The following FSIP2 variants were observed in gnomAD, a reference collection of about 807,000 sequenced individuals.
FSIP2 encodes fibrous sheath interacting protein 2.
In FSIP2, 367 loss-of-function variants were observed where a neutral mutation model predicts 510.5. That is an observed-to-expected ratio of 0.72 (90% CI 0.66 to 0.78). FSIP2 has a LOEUF of 0.78. Ranked by LOEUF, FSIP2 falls within the 30% of genes least tolerant of loss-of-function variation. The pLI is 0.00. For missense variants in FSIP2, 7,594 were observed against 7,901.7 expected, an observed-to-expected ratio of 0.96 and a Z score of 1.48; for synonymous variants, 2,601 against 2,732.2, an observed-to-expected ratio of 0.95 and a Z score of 1.50.
In FSIP2 at chr2:185,804,190, T is replaced by C. The variant is rs988473030; in HGVS notation, c.14884T>C (p.Tyr4962His). The change falls in exon 17 of 23, where the codon TAT (tyrosine) becomes CAT (histidine). Residue 4962 changes from tyrosine (Y) to histidine (H), a missense_variant. Coordinates refer to ENST00000424728, the MANE Select transcript of FSIP2 (RefSeq NM_173651.4). ...TTCTGAGCTCTTATGCAAAATTCTT[T>C]ATGCATTTTCACATAACATGTTGGT... ...VISELLCKIL[Y>H]AFSHNMLVTE... 41 of 1,513,002 alleles carry C rather than the reference T, an allele frequency of 2.7e-5. No individual in the cohort carries two copies. Among genetic ancestry groups the C allele is most frequent in the Non-Finnish European group, 3.3e-5 (38 of 1,137,000 alleles). 93.7% of individuals were successfully genotyped at this position (1,513,002 alleles called of 1,614,324 possible).
At chr2:185,747,914 A>AT (rs995819277) in intron 7 of FSIP2, among the ~76,000 whole-genome samples, 3 of 151,966 alleles carry the variant, frequency 2.0e-5, no homozygotes, top group South Asian at 2.1e-4. Context: ...AATAATATTT[A>AT]TTTTTTCCAA....
intron 8 of FSIP2, among the ~76,000 whole-genome samples, chr2:185,754,225 GAAGAAATAAATGAAGA>G (rs1362741635): frequency 1.3e-5 from 2 of 151,286 alleles, no homozygotes; most frequent in Non-Finnish European, 3.0e-5. Flanking sequence ...AAAAAAGAAG[GAAGAAATAAATGAAGA>G]AAGAAAAAAT....
At chr2:185,764,604 C>G (rs150924698) in intron 13 of FSIP2, 39 bp downstream of exon 13, 2 of 1,302,280 alleles carry the variant, frequency 1.5e-6, no homozygotes, top group Non-Finnish European at 2.1e-6. Flanking sequence ...ATCTTGCATT[C>G]TATTTATTCT....
Position 185,764,486 on chromosome 2 carries a change from G to C in FSIP2, c.1348-16G>C, listed in dbSNP as rs1363722465. On this transcript the variant is annotated splice_polypyrimidine_tract_variant and intron_variant, in intron 12 of 22. Coordinates refer to ENST00000424728, the MANE Select transcript of FSIP2 (RefSeq NM_173651.4). ...TTTTTGTGGATCTATTTGTTTTGCT[G>C]TTGTGAATTATGTAGAAGGAGACAA... The C allele has an allele frequency of 2.6e-6, 4 of 1,512,288 alleles. No homozygotes were observed. Among genetic ancestry groups the C allele is most frequent in the Non-Finnish European group, 3.5e-6 (4 of 1,129,772 alleles). 93.7% of individuals were successfully genotyped at this position (1,512,288 alleles called of 1,614,324 possible). A position where few individuals can be genotyped will look rare whatever the true frequency, so the allele number is the denominator to read the frequency against.
At position 185,791,986 on chromosome 2, in the gene FSIP2, T is replaced by C. The variant is rs1236220453; in HGVS notation, c.4850T>C (p.Ile1617Thr). Residue 1617 changes from isoleucine (I) to threonine (T), a missense_variant, in exon 16 of 23, where the codon ATA (isoleucine) becomes ACA (threonine). Physicochemically the swap from Ile to Thr is moderately conservative, Grantham distance 89. Coordinates refer to ENST00000424728, the MANE Select transcript of FSIP2 (RefSeq NM_173651.4). The part of the protein sequence containing the change: ...INDGNKKSNK[I>T]GWEYESTNIS... ...GATGGAAATAAGAAAAGCAATAAGA[T>C]AGGCTGGGAATATGAAAGCACCAAT... The C allele has an allele frequency of 2.6e-6, 4 of 1,533,904 alleles. No individual in the cohort carries two copies. Among genetic ancestry groups the C allele is most frequent in the Non-Finnish European group, 3.5e-6 (4 of 1,145,364 alleles).
At chr2:185,744,069 A>G (rs1691978309) in intron 3 of FSIP2, among the ~76,000 whole-genome samples, 1 of 151,750 alleles carries the variant, frequency 6.6e-6, no homozygotes, top group African/African-American at 2.4e-5. Context: ...GCCTCAAGAG[A>G]TCCTCCTGCC....
Position 185,806,438 on chromosome 2 carries a change from G to A in FSIP2, c.17132G>A (p.Gly5711Asp), listed in dbSNP as rs769866617. The change falls in exon 17 of 23, where the codon GGT becomes GAT. Residue 5711 changes from glycine to aspartate, a missense_variant. Transcript: ENST00000424728. ...CTCAGTTATGACCAAAGCCCCCCAG[G>A]TGATAATGTATTAAATGTAATTCAA... is the stretch of plus-strand genomic sequence containing the variant. ...SKLSYDQSPP[G>D]DNVLNVIQEI... 3 of 1,611,894 alleles carry A rather than the reference G, an allele frequency of 1.9e-6. No individual in the cohort carries two copies. In the East Asian group the frequency reaches 6.7e-5, roughly 36 times the overall value.
chr2:185,813,370 TTTG>T (rs1296361421), intron 17 of FSIP2, among the ~76,000 whole-genome samples, 172 bp from the exon 18 acceptor site: 2 of 152,000 alleles, frequency 1.3e-5, no homozygotes, highest in African/African-American at 4.8e-5. Flanking sequence ...ACAAATTTTT[TTTG>T]TTATTTGTCT....
At chr2:185,811,162 A>G (rs2105662244) in intron 17 of FSIP2, among the ~76,000 whole-genome samples, 1 of 152,202 alleles carries the variant, frequency 6.6e-6, no homozygotes, top group East Asian at 1.9e-4. Context: ...AAAGAGAAGC[A>G]GAGCATAAAA....
rs1490351615 is a variant in FSIP2 at position 185,794,553 on chromosome 2, G to A, written c.7417G>A (p.Gly2473Arg). The change falls in exon 16 of 23, where the codon GGA becomes AGA. Residue 2473 changes from glycine (G) to arginine (R), a missense_variant. By Grantham distance (125) the Gly-to-Arg change is moderately radical. Coordinates refer to ENST00000424728, the MANE Select transcript of FSIP2 (RefSeq NM_173651.4). ...IVLEEIFMRN[G>R]ESKNKEKGEL... The stretch of plus-strand genomic sequence containing the variant: ...TTTGGAAGAAATATTTATGAGAAAT[G>A]GAGAATCAAAAAACAAAGAAAAAGG... 1.2e-5 allele frequency: 19 copies of A among 1,530,530 alleles called. No individual in the cohort carries two copies. In the East Asian group the frequency reaches 4.2e-4, roughly 34 times the overall value. 94.8% of individuals were successfully genotyped at this position (1,530,530 alleles called of 1,614,324 possible).
At chr2:185,772,773 C>A (rs1337532961) in intron 13 of FSIP2, among the ~76,000 whole-genome samples, 1 of 152,048 alleles carries the variant, frequency 6.6e-6, no homozygotes, top group African/African-American at 2.4e-5. Flanking sequence ...TGAATATCAC[C>A]TGAGTTTAGA....
Position 185,806,218 on chromosome 2 carries a change from C to G in FSIP2, c.16912C>G (p.Leu5638Val), listed in dbSNP as rs753678312. The G allele has an allele frequency of 1.9e-6, 3 of 1,606,378 alleles. No homozygotes were observed. Among genetic ancestry groups the G allele is most frequent in the Non-Finnish European group, 8.5e-7 (1 of 1,176,742 alleles). The change falls in exon 17 of 23, where the codon CTA becomes GTA. Residue 5638 changes from leucine to valine, a missense_variant. By Grantham distance (32) the Leu-to-Val change is conservative (BLOSUM62 1). Transcript: ENST00000424728. ...QLSSLKSKRN[L>V]GTTTDTLEIR... is the part of the protein sequence containing the mutation. ...ATCCTCCTTGAAGTCCAAGAGAAAT[C>G]TAGGGACTACAACAGATACTTTGGA...
rs917017719 is a variant in FSIP2, at chr2:185,797,233, C to A, written c.10097C>A (p.Ser3366Tyr). The change falls in exon 16 of 23, where the codon TCT (serine) becomes TAT (tyrosine). Residue 3366 changes from serine to tyrosine, a missense_variant. Physicochemically the swap from Ser to Tyr is moderately radical, Grantham distance 144 (BLOSUM62 -2). Coordinates refer to ENST00000424728, the MANE Select transcript of FSIP2 (RefSeq NM_173651.4). ...CCATTTTTCATATCAAAACAAAGCT[C>A]TTTATCTGAAGTATCTGGAGGGCAA... ...MKPFFISKQS[S>Y]LSEVSGGQKD... 2 of 1,534,746 alleles carry A rather than the reference C, an allele frequency of 1.3e-6. No individual in the cohort carries two copies. Among genetic ancestry groups the A allele is most frequent in the African/African-American group, 2.7e-5 (2 of 72,860 alleles).
At chr2:185,798,806 A>G (rs1233306632) in intron 16 of FSIP2, among the ~76,000 whole-genome samples, 1 of 151,834 alleles carries the variant, frequency 6.6e-6, no homozygotes, top group Non-Finnish European at 1.5e-5. Flanking sequence ...GGCTCTAACA[A>G]TTCTATATTC....
At chr2:185,787,490 T>C (rs1487662296) in intron 15 of FSIP2, among the ~76,000 whole-genome samples, 1 of 151,790 alleles carries the variant, frequency 6.6e-6, no homozygotes, top group African/African-American at 2.4e-5. Context: ...GTTACAGGAA[T>C]CATATTTACA....
chr2:185,743,888 G>A (rs1366889457), intron 3 of FSIP2, among the ~76,000 whole-genome samples: 1 of 152,154 alleles, frequency 6.6e-6, no homozygotes, highest in African/African-American at 2.4e-5. Context: ...ACACAGGAGT[G>A]CAATGGCGCA....
chr2:185,792,561 G>C lies in FSIP2; in HGVS notation c.5425G>C (p.Gly1809Arg). ...VLSLSHSNFN[G>R]MPHNVDEPTP... Reference sequence around the variant, plus strand: ...TTCTCTCTCCCACTCTAATTTTAATGGCATGCCTCACAATGTTGATGAGCC... The same window carrying C: ...TTCTCTCTCCCACTCTAATTTTAATCGCATGCCTCACAATGTTGATGAGCC... The change falls in exon 16 of 23, where the codon GGC (glycine) becomes CGC (arginine). Residue 1809 changes from glycine to arginine, a missense_variant. Coordinates refer to ENST00000424728, the MANE Select transcript of FSIP2 (RefSeq NM_173651.4). 1 of 1,532,870 alleles carries C rather than the reference G, an allele frequency of 6.5e-7. No homozygotes were observed. The highest frequency in any genetic ancestry group is 8.7e-7 in the Non-Finnish European group (1 of 1,144,648). 95.0% of individuals were successfully genotyped at this position (1,532,870 alleles called of 1,614,324 possible).
intron 13 of FSIP2, among the ~76,000 whole-genome samples, chr2:185,779,927 GT>G (rs760154503): frequency 0.05 from 7,191 of 143,900 alleles, 251 homozygotes; most frequent in Non-Finnish European, 0.077. Flanking sequence ...TCAGGGGACA[GT>G]TTTTTTTTTT....
intron 13 of FSIP2, among the ~76,000 whole-genome samples, chr2:185,775,428 TG>T (rs1422469393): frequency 1.3e-5 from 2 of 150,896 alleles, no homozygotes; most frequent in Non-Finnish European, 3.0e-5. Context: ...TTGATGGGGT[TG>T]TTTTTTTCTT....
Sources: gnomAD v4.1 joint callset for allele counts (sites outside exome capture counted in the v4.1 genomes callset) on GRCh38, gnomAD v4.1.1 for gene constraint, MANE v1.5 for transcripts, NCBI Gene and HGNC (gene_info 2026-07-23, HGNC 2026-07-21) for gene names.